The following LGALS9 variants were observed in gnomAD, a reference collection of about 807,000 sequenced individuals.
LGALS9 encodes the protein galectin-9.
LGALS9 carries 26 observed loss-of-function variants against 35.9 expected under a neutral mutation model. The ratio of observed to expected loss-of-function variants is 0.72; its 90% CI spans 0.53 to 1.01. The LOEUF (loss-of-function observed/expected upper bound fraction) is 1.01. Ranked by LOEUF, LGALS9 falls within the 50% of genes least tolerant of loss-of-function variation. The pLI is 0.00. For synonymous variants in LGALS9, 149 were observed against 172.2 expected, an observed-to-expected ratio of 0.87 and a Z score of 1.06; for missense variants, 347 against 445.8, an observed-to-expected ratio of 0.78 and a Z score of 1.99.
intron 8 of LGALS9, 104 bp downstream of exon 8, chr17:27,646,692 G>A: frequency 6.4e-7 from 1 of 1,570,698 alleles, no homozygotes; most frequent in East Asian, 2.2e-5. Flanking sequence ...ATTAAAAGCA[G>A]TCATTTGTTA....
chr17:27,646,650 GC>G, intron 8 of LGALS9, 62 bp downstream of exon 8: 1 of 1,610,776 alleles, frequency 6.2e-7, no homozygotes, highest in Middle Eastern at 1.9e-4. Context: ...GGGGTGAAGG[GC>G]CGCTGTGGGG....
chr17:27,647,058 G>C lies in LGALS9; in HGVS notation c.698G>C (p.Gly233Ala). The C allele has an allele frequency of 6.2e-7, 1 of 1,614,060 alleles. No individual in the cohort carries two copies. Among genetic ancestry groups the C allele is most frequent in the Non-Finnish European group, 8.5e-7 (1 of 1,179,966 alleles). ...YPMPFITTIL[G>A]GLYPSKSILL... ...ATGCCTTTCATCACCACCATTCTGG[G>C]AGGGCTGTACCCATCCAAGTCCATC... Residue 233 changes from glycine to alanine, a missense_variant, in exon 9 of 11, where the codon GGA (glycine) becomes GCA (alanine). Physicochemically the swap from Gly to Ala is moderately conservative, Grantham distance 60. Transcript: ENST00000395473.
chr17:27,642,184 G>C, intron 3 of LGALS9, 54 bp from the exon 4 acceptor site: 1 of 1,576,314 alleles, frequency 6.3e-7, no homozygotes. Context: ...CTCAGGGGTG[G>C]TCCCCATCCC....
chr17:27,645,277 G>A (rs201233732), intron 5 of LGALS9, 37 bp from the exon 6 acceptor site: 101 of 1,613,682 alleles, frequency 6.3e-5, no homozygotes, highest in Middle Eastern at 3.3e-4. Context: ...TGTGGTGCCC[G>A]CGATAACCAC....
chr17:27,643,420 C>T (rs1371107778), intron 4 of LGALS9, 105 bp from the exon 5 acceptor site: 1 of 1,547,578 alleles, frequency 6.5e-7, no homozygotes, highest in Non-Finnish European at 8.7e-7. Context: ...TGCCTCATCG[C>T]CCTGCCTGCC....
intron 4 of LGALS9, 170 bp downstream of exon 4, chr17:27,642,518 T>C (rs1273897497): frequency 1.7e-5 from 20 of 1,151,392 alleles, no homozygotes; most frequent in Non-Finnish European, 2.4e-5. Flanking sequence ...TCTGTCACTC[T>C]GCCCCTCCTT....
At chr17:27,647,978 C>T (rs746567499) in intron 10 of LGALS9, among the ~76,000 whole-genome samples, 7 of 152,260 alleles carry the variant, frequency 4.6e-5, no homozygotes, top group African/African-American at 9.6e-5. Flanking sequence ...TGCAGAGGCA[C>T]GGGTGTGGCC....
intron 1 of LGALS9, among the ~76,000 whole-genome samples, chr17:27,635,288 A>G (rs1435356828): frequency 1.3e-5 from 2 of 152,010 alleles, no homozygotes; most frequent in African/African-American, 4.8e-5. Flanking sequence ...ATATTGTAAG[A>G]TTAGTGGGAC....
intron 3 of LGALS9, chr17:27,641,043 G>A: frequency 1.5e-6 from 1 of 664,182 alleles, no homozygotes; most frequent in Non-Finnish European, 2.8e-6. Context: ...GTGTGTCTTT[G>A]AATTCCAAGC....
chr17:27,637,184 T>C (rs1186552798), intron 1 of LGALS9, among the ~76,000 whole-genome samples: 1 of 152,166 alleles, frequency 6.6e-6, no homozygotes, highest in Admixed American at 6.5e-5. Flanking sequence ...GAATAAACTT[T>C]GAAAATTGGA....
rs1329178470 is a variant in LGALS9 at position 27,640,730 on chromosome 17, T to C, written c.290T>C (p.Met97Thr). 3.7e-6 allele frequency: 6 copies of C among 1,614,096 alleles called. No homozygotes were observed. Among genetic ancestry groups the C allele is most frequent in the African/African-American group, 1.3e-5 (1 of 74,934 alleles). ...RKTHMPFQKG[M>T]PFDLCFLVQS... ...ACACACATGCCTTTCCAGAAGGGGATGCCCTTTGACCTCTGCTTCCTGGTG... is the reference window on the plus strand; with the variant it reads ...ACACACATGCCTTTCCAGAAGGGGACGCCCTTTGACCTCTGCTTCCTGGTG... Residue 97 changes from methionine (M) to threonine (T), a missense_variant, in exon 3 of 11, where the codon ATG becomes ACG. Met to Thr is a moderately conservative substitution (Grantham distance 81). Transcript: ENST00000395473.
intron 8 of LGALS9, 33 bp downstream of exon 8, chr17:27,646,621 G>A (rs542341316): frequency 1.1e-5 from 18 of 1,613,116 alleles, no homozygotes; most frequent in Non-Finnish European, 1.4e-5. Flanking sequence ...CAGAGGTTCT[G>A]TTTGTGGTGG....
intron 1 of LGALS9, 25 bp downstream of exon 1, chr17:27,631,329 G>C: frequency 6.2e-7 from 1 of 1,614,122 alleles, no homozygotes; most frequent in Middle Eastern, 1.7e-4. Flanking sequence ...TATGGGCACA[G>C]GGCTGCCTCA....
chr17:27,648,682 T>A (rs549339568), intron 10 of LGALS9, among the ~76,000 whole-genome samples, 154 bp from the exon 11 acceptor site: 192 of 148,252 alleles, frequency 1.3e-3, no homozygotes, highest in African/African-American at 4.4e-3. Flanking sequence ...ACAGCCTGTT[T>A]AGTGAAGAGC....
At chr17:27,640,804 C>T (rs1318084715) in intron 3 of LGALS9, 31 bp downstream of exon 3, 5 of 1,612,230 alleles carry the variant, frequency 3.1e-6, no homozygotes, top group Non-Finnish European at 4.2e-6. Flanking sequence ...CACCTCTCAC[C>T]CCTGGGACCC....
At chr17:27,633,815 C>T (rs1423378598) in intron 1 of LGALS9, among the ~76,000 whole-genome samples, 1 of 152,258 alleles carries the variant, frequency 6.6e-6, no homozygotes, top group Non-Finnish European at 1.5e-5. Flanking sequence ...CAGCGTTGCA[C>T]CCAGTCCTCT....
At chr17:27,633,781 G>A (rs1450835478) in intron 1 of LGALS9, among the ~76,000 whole-genome samples, 1 of 152,170 alleles carries the variant, frequency 6.6e-6, no homozygotes, top group Non-Finnish European at 1.5e-5. Context: ...CTCTCAGAAC[G>A]CTGCCAGCCA....
In LGALS9 at chr17:27,647,021, T is replaced by G. The variant is rs1481525706; in HGVS notation, c.670-9T>G. The G allele has an allele frequency of 3.1e-6, 5 of 1,613,970 alleles. No individual in the cohort carries two copies. Among genetic ancestry groups the G allele is most frequent in the East Asian group, 2.2e-5 (1 of 44,874 alleles). Reference sequence around the variant, plus strand: ...CGTGGTGGCTGACCTGTCCCCCTTCTTCCGACAGCCGATGCCTTTCATCAC... The same window carrying G: ...CGTGGTGGCTGACCTGTCCCCCTTCGTCCGACAGCCGATGCCTTTCATCAC... On this transcript the variant is annotated splice_polypyrimidine_tract_variant and intron_variant, in intron 8 of 10. Coordinates refer to ENST00000395473, the MANE Select transcript of LGALS9 (RefSeq NM_009587.3).
intron 10 of LGALS9, among the ~76,000 whole-genome samples, chr17:27,648,481 C>T (rs1905095047): frequency 6.6e-6 from 1 of 150,680 alleles, no homozygotes; most frequent in African/African-American, 2.4e-5. Flanking sequence ...CATTTGTACC[C>T]TGACTGCTTC....
Sources: allele counts gnomAD v4.1 joint callset (sites outside exome capture counted in the v4.1 genomes callset), GRCh38; gene constraint gnomAD v4.1.1; transcripts MANE v1.5; gene names NCBI Gene and HGNC (gene_info 2026-07-23, HGNC 2026-07-21).